The following NSUN2 variants were observed in gnomAD, a reference collection of about 807,000 sequenced individuals.
NSUN2 encodes the protein RNA cytosine C(5)-methyltransferase NSUN2.
In NSUN2, 63 loss-of-function variants were observed where a neutral mutation model predicts 92.7. That is an observed-to-expected ratio of 0.68 (90% CI 0.56 to 0.84). The LOEUF is 0.84. Ranked by LOEUF, NSUN2 falls within the 40% of genes least tolerant of loss-of-function variation. The probability of loss-of-function intolerance (pLI) is 0.00; values close to 1 mark genes in which losing one functional copy is unlikely to be tolerated. For synonymous variants in NSUN2, 356 were observed against 348.3 expected, an observed-to-expected ratio of 1.02 and a Z score of -0.25; for missense variants, 989 against 964.9, an observed-to-expected ratio of 1.02 and a Z score of -0.33.
At chr5:6,611,136 CA>C in intron 10 of NSUN2, 51 bp from the exon 11 acceptor site, 5 of 1,600,092 alleles carry the variant, frequency 3.1e-6, no homozygotes, top group Non-Finnish European at 4.3e-6. Flanking sequence ...CCAATACCAA[CA>C]AAAATCACAG....
intron 17 of NSUN2, among the ~76,000 whole-genome samples, chr5:6,603,070 CG>C (rs548395678): frequency 1.1e-3 from 168 of 152,156 alleles, no homozygotes; most frequent in African/African-American, 3.8e-3. Context: ...AAGTAAGAAA[CG>C]TAACTGCAAG....
At chr5:6,606,240 A>C (rs778793484) in intron 14 of NSUN2, among the ~76,000 whole-genome samples, 12 of 152,228 alleles carry the variant, frequency 7.9e-5, no homozygotes, top group Non-Finnish European at 1.5e-4. Context: ...TGAGTAATTT[A>C]GGTTCAGGAT....
intron 9 of NSUN2, among the ~76,000 whole-genome samples, chr5:6,616,021 T>C (rs1737193553): frequency 1.3e-5 from 2 of 152,226 alleles, no homozygotes; most frequent in South Asian, 4.2e-4. Context: ...TGTAGAGAAA[T>C]TGGAACCCTT....
chr5:6,606,707 A>C, intron 14 of NSUN2, 113 bp downstream of exon 14: 1 of 563,114 alleles, frequency 1.8e-6, no homozygotes, highest in Non-Finnish European at 3.1e-6. Flanking sequence ...TAAAAAAAAA[A>C]AAAAAGCTAG....
At position 6,631,369 on chromosome 5, in the gene NSUN2, T is replaced by C. The variant is rs548605331; in HGVS notation, c.359+504A>G. The stretch of plus-strand genomic sequence containing the variant: ...GTCAAGAAAGAGGTAGCTCCCAGAG[T>C]AGTAGCACGCTTGGGTGCTGAGACT... On this transcript the variant is annotated intron_variant, in intron 3 of 18. Transcript: ENST00000264670. Among the ~76,000 whole-genome samples the C allele has an allele frequency of 6.0e-4, 91 of 152,054 alleles. 1 individual carries two copies. Among genetic ancestry groups the C allele is most frequent in the African/African-American group, 2.2e-3 (90 of 41,490 alleles).
intron 14 of NSUN2, 122 bp from the exon 15 acceptor site, chr5:6,605,530 C>A: frequency 4.2e-6 from 4 of 959,890 alleles, no homozygotes; most frequent in Non-Finnish European, 6.3e-6. Flanking sequence ...TTCAAGGGCA[C>A]TGGGCTCTGC....
intron 10 of NSUN2, 147 bp from the exon 11 acceptor site, chr5:6,611,232 C>T (rs1454372142): frequency 1.2e-6 from 1 of 858,712 alleles, no homozygotes; most frequent in Non-Finnish European, 1.7e-6. Flanking sequence ...CAAGACAAAA[C>T]AAAACAATCT....
intron 9 of NSUN2, among the ~76,000 whole-genome samples, chr5:6,613,922 C>G (rs187215460): frequency 6.6e-6 from 1 of 151,882 alleles, no homozygotes; most frequent in African/African-American, 2.4e-5. Context: ...CATGGTGAAA[C>G]CCCGTCTCTA....
intron 2 of NSUN2, 122 bp from the exon 3 acceptor site, chr5:6,632,099 A>T: frequency 1.4e-6 from 1 of 730,000 alleles, no homozygotes; most frequent in Admixed American, 2.5e-5. Flanking sequence ...GAGAGTAAAC[A>T]TTCTTTAGTC....
chr5:6,610,853 G>A, intron 11 of NSUN2, 102 bp downstream of exon 11: 6 of 1,399,030 alleles, frequency 4.3e-6, no homozygotes, highest in East Asian at 2.5e-5. Context: ...TCACAGCAAT[G>A]TCACCTGCTG....
intron 3 of NSUN2, among the ~76,000 whole-genome samples, chr5:6,628,122 C>T (rs1412573296): frequency 1.3e-5 from 2 of 151,986 alleles, no homozygotes; most frequent in Non-Finnish European, 2.9e-5. Flanking sequence ...CCAAGGTGGG[C>T]GGATCACTTG....
At chr5:6,628,323 G>A (rs1737737768) in intron 3 of NSUN2, among the ~76,000 whole-genome samples, 1 of 152,126 alleles carries the variant, frequency 6.6e-6, no homozygotes, top group Non-Finnish European at 1.5e-5. Context: ...ACTCCAACCT[G>A]GGCAACAGAG....
intron 7 of NSUN2, among the ~76,000 whole-genome samples, chr5:6,618,432 C>G (rs1049454671): frequency 6.6e-6 from 1 of 152,110 alleles, no homozygotes; most frequent in African/African-American, 2.4e-5. Context: ...AAATTTTCCA[C>G]AGTTAAGCTA....
At position 6,632,629 on chromosome 5, in the gene NSUN2, G is replaced by C. The variant is rs1470499804; in HGVS notation, c.224C>G (p.Pro75Arg). Residue 75 changes from proline to arginine, a missense_variant, in exon 2 of 19, where the codon CCG (proline) becomes CGG (arginine). Physicochemically the swap from Pro to Arg is moderately radical, Grantham distance 103. Coordinates refer to ENST00000264670, the MANE Select transcript of NSUN2 (RefSeq NM_017755.6). The part of the protein sequence containing the change: ...QFMDALREPL[P>R]ATLRITGYKS... ...GTAACCAGTAATTCTTAAAGTGGCC[G>C]GGAGCGGCTCCCTGAGAGCGTCCAT... 2.5e-6 allele frequency: 4 copies of C among 1,614,142 alleles called. No homozygotes were observed. The highest frequency in any genetic ancestry group is 3.4e-6 in the Non-Finnish European group (4 of 1,180,012).
At chr5:6,611,221 C>A in intron 10 of NSUN2, 136 bp from the exon 11 acceptor site, 2 of 959,368 alleles carry the variant, frequency 2.1e-6, no homozygotes, top group Non-Finnish European at 3.0e-6. Flanking sequence ...AGATTATTTG[C>A]CAAGACAAAA....
chr5:6,613,126 C>A (rs1265487233), intron 9 of NSUN2, among the ~76,000 whole-genome samples: 2 of 152,212 alleles, frequency 1.3e-5, no homozygotes, highest in Non-Finnish European at 2.9e-5. Flanking sequence ...ATGCTGGAAA[C>A]CCACCTGTCC....
Position 6,611,080 on chromosome 5 carries a change from C to G in NSUN2, c.1101G>C (p.Met367Ile). 1 of 1,614,184 alleles carries G rather than the reference C, an allele frequency of 6.2e-7. No homozygotes were observed. The highest frequency in any genetic ancestry group is 8.5e-7 in the Non-Finnish European group (1 of 1,180,020). The change falls in exon 11 of 19, where the codon ATG (methionine) becomes ATC (isoleucine). Residue 367 changes from methionine to isoleucine, a missense_variant. By Grantham distance (10) the Met-to-Ile change is conservative. Transcript: ENST00000264670. ...WMPGITQWKVMTKDGQWFTDW... is the reference protein window; with the variant it reads ...WMPGITQWKVITKDGQWFTDW... The stretch of plus-strand genomic sequence containing the variant: ...CTGTAAACCACTGCCCATCTTTCGT[C>G]ATTACCTGCAGAACCACAGGGTACA...
intron 4 of NSUN2, 111 bp downstream of exon 4, chr5:6,625,453 G>A: frequency 1.4e-6 from 1 of 719,710 alleles, no homozygotes. Flanking sequence ...TCTTTACTGT[G>A]TGTGATGTCC....
chr5:6,604,966 GC>G (rs1419479116), intron 15 of NSUN2: 3 of 594,126 alleles, frequency 5.0e-6, no homozygotes, highest in South Asian at 4.1e-5. Context: ...AGTACTCGCA[GC>G]CTCTACACCT....
Sources: allele counts gnomAD v4.1 joint callset (sites outside exome capture counted in the v4.1 genomes callset), GRCh38; gene constraint gnomAD v4.1.1; transcripts MANE v1.5; gene names NCBI Gene and HGNC (gene_info 2026-07-23, HGNC 2026-07-21).